TPH2: variants seen among roughly 807,000 people sequenced by gnomAD.
The protein encoded by TPH2 is tryptophan 5-hydroxylase 2.
Under a neutral mutation model 59.1 loss-of-function variants are expected in TPH2, and 27 were observed. That is an observed-to-expected ratio of 0.46 (90% CI 0.34 to 0.63). The LOEUF (loss-of-function observed/expected upper bound fraction) is 0.63. Ranked by LOEUF, TPH2 falls within the 30% of genes least tolerant of loss-of-function variation. The pLI, the probability that TPH2 is intolerant of heterozygous loss-of-function variation, is 0.01. For missense variants in TPH2, 523 were observed against 588.3 expected, an observed-to-expected ratio of 0.89 and a Z score of 1.15; for synonymous variants, 220 against 210.5, an observed-to-expected ratio of 1.05 and a Z score of -0.39.
chr12:72,001,669 C>T (rs1171802779), intron 8 of TPH2, among the ~76,000 whole-genome samples: 5 of 152,054 alleles, frequency 3.3e-5, no homozygotes, highest in East Asian at 1.9e-4. Context: ...CCATCCACCT[C>T]GGCCTCCCAA....
intron 9 of TPH2, among the ~76,000 whole-genome samples, chr12:72,025,076 C>T (rs1873530479): frequency 6.6e-6 from 1 of 152,130 alleles, no homozygotes; most frequent in Non-Finnish European, 1.5e-5. Flanking sequence ...AGAGCCCTCT[C>T]AAAGCACTTC....
chr12:72,020,825 G>GA (rs374460834), intron 8 of TPH2, among the ~76,000 whole-genome samples: 1 of 151,804 alleles, frequency 6.6e-6, no homozygotes, highest in African/African-American at 2.4e-5. Context: ...GGTGAATCAG[G>GA]AAAAAAAATT....
intron 8 of TPH2, among the ~76,000 whole-genome samples, chr12:72,021,345 T>G (rs183295299): frequency 6.8e-4 from 101 of 148,652 alleles, no homozygotes; most frequent in Admixed American, 1.7e-3. Context: ...TGATAAAACT[T>G]GGGCCAATAA....
intron 8 of TPH2, among the ~76,000 whole-genome samples, chr12:71,995,588 C>G (rs1305318856): frequency 6.6e-6 from 1 of 152,120 alleles, no homozygotes; most frequent in Non-Finnish European, 1.5e-5. Flanking sequence ...TATTTCTCAA[C>G]TAAAAGATAA....
intron 8 of TPH2, among the ~76,000 whole-genome samples, chr12:72,004,527 G>A (rs534448538): frequency 5.0e-5 from 7 of 138,820 alleles, no homozygotes; most frequent in South Asian, 6.0e-4. Context: ...CTGATATTGC[G>A]GACTTCTTAC....
chr12:71,949,511 A>T, intron 4 of TPH2, 77 bp from the exon 5 acceptor site: 1 of 1,202,126 alleles, frequency 8.3e-7, no homozygotes, highest in South Asian at 1.2e-5. Flanking sequence ...CTCAGACACC[A>T]CAGTGATTTT....
intron 6 of TPH2, among the ~76,000 whole-genome samples, chr12:71,975,884 C>A (rs922742008): frequency 1.3e-5 from 2 of 152,236 alleles, no homozygotes; most frequent in African/African-American, 4.8e-5. Context: ...TCCCACAGAG[C>A]TATATGCATA....
At chr12:71,992,233 A>G (rs1369154787) in intron 7 of TPH2, among the ~76,000 whole-genome samples, 3 of 152,198 alleles carry the variant, frequency 2.0e-5, no homozygotes, top group African/African-American at 7.2e-5. Flanking sequence ...CTGCAAATTG[A>G]AACAACAGAG....
intron 7 of TPH2, among the ~76,000 whole-genome samples, chr12:71,986,272 G>A (rs1872431559): frequency 1.3e-5 from 2 of 152,042 alleles, no homozygotes; most frequent in Non-Finnish European, 2.9e-5. Context: ...ACCCTTACTC[G>A]GCACCTCTTA....
At chr12:72,001,434 T>C (rs967600543) in intron 8 of TPH2, among the ~76,000 whole-genome samples, 2 of 152,038 alleles carry the variant, frequency 1.3e-5, no homozygotes, top group African/African-American at 4.8e-5. Context: ...TGTTCTTTTT[T>C]TTTTTTTTTG....
intron 1 of TPH2, among the ~76,000 whole-genome samples, chr12:71,940,532 T>C (rs1026563723): frequency 6.6e-6 from 1 of 152,198 alleles, no homozygotes; most frequent in African/African-American, 2.4e-5. Context: ...TTGGTACGAT[T>C]GTATTAAATC....
chr12:71,948,021 G>T (rs1207818732), intron 4 of TPH2, among the ~76,000 whole-genome samples: 6 of 152,126 alleles, frequency 3.9e-5, no homozygotes, highest in South Asian at 2.1e-4. Context: ...GGAATTCTTT[G>T]GTTTTACCAT....
At chr12:72,005,552 G>C (rs1422255691) in intron 8 of TPH2, among the ~76,000 whole-genome samples, 2 of 152,090 alleles carry the variant, frequency 1.3e-5, no homozygotes, top group Non-Finnish European at 2.9e-5. Flanking sequence ...TTAGTAAATG[G>C]AAGTTCTGGC....
At chr12:71,946,760 G>T (rs907298430) in intron 4 of TPH2, among the ~76,000 whole-genome samples, 9 of 152,146 alleles carry the variant, frequency 5.9e-5, no homozygotes, top group Non-Finnish European at 1.2e-4. Flanking sequence ...TTCAGAAGGG[G>T]CTTGGAATAT....
At chr12:71,990,174 T>C (rs1217139129) in intron 7 of TPH2, among the ~76,000 whole-genome samples, 1 of 152,146 alleles carries the variant, frequency 6.6e-6, no homozygotes, top group African/African-American at 2.4e-5. Context: ...GGCCAAATAA[T>C]TGAATCTTTT....
At chr12:71,968,624 A>C (rs1871883885) in intron 5 of TPH2, among the ~76,000 whole-genome samples, 1 of 152,132 alleles carries the variant, frequency 6.6e-6, no homozygotes, top group Non-Finnish European at 1.5e-5. Flanking sequence ...GCCCTACTCC[A>C]CTTCTCGCAG....
intron 7 of TPH2, among the ~76,000 whole-genome samples, chr12:71,984,480 G>C (rs1332980092): frequency 2.0e-5 from 3 of 152,162 alleles, no homozygotes; most frequent in Non-Finnish European, 4.4e-5. Flanking sequence ...CCACTCGAGA[G>C]GTTCTGGGAC....
chr12:72,002,574 A>G (rs1220860521), intron 8 of TPH2, among the ~76,000 whole-genome samples: 1 of 152,198 alleles, frequency 6.6e-6, no homozygotes, highest in Non-Finnish European at 1.5e-5. Flanking sequence ...GAAACAAAAC[A>G]AAACACAAAA....
chr12:71,988,111 G>T (rs1872490204), intron 7 of TPH2, among the ~76,000 whole-genome samples: 1 of 152,196 alleles, frequency 6.6e-6, no homozygotes, highest in South Asian at 2.1e-4. Flanking sequence ...CAGTCCGATT[G>T]CACAGTGCTG....
Sources: allele counts gnomAD v4.1 joint callset (sites outside exome capture counted in the v4.1 genomes callset), GRCh38; gene constraint gnomAD v4.1.1; transcripts MANE v1.5; gene names NCBI Gene and HGNC (gene_info 2026-07-23, HGNC 2026-07-21).